ZNF706: variants seen among roughly 807,000 people sequenced by gnomAD.
The protein encoded by ZNF706 is zinc finger protein 706.
ZNF706 carries 4 observed loss-of-function variants against 9.2 expected under a neutral mutation model. That is an observed-to-expected ratio of 0.43 (90% CI 0.21 to 0.99). The LOEUF (loss-of-function observed/expected upper bound fraction) is 0.99. Among genes scored for constraint, ZNF706 ranks in the 50% least tolerant of loss-of-function variants. ZNF706 has a pLI of 0.26. For missense variants in ZNF706, 27 were observed against 87.8 expected (o/e 0.31, Z 2.77); for synonymous variants, 28 against 27.3 (o/e 1.03, Z -0.08).
intron 1 of ZNF706, chr8:101,204,551 T>G (rs1302994562): frequency 1.1e-6 from 1 of 913,434 alleles, no homozygotes; most frequent in African/African-American, 1.8e-5. Flanking sequence ...GGACTTGCTC[T>G]CAAGCCAACA....
At chr8:101,203,127 CT>C (rs1234158892) in intron 1 of ZNF706, 1 of 151,774 alleles carries the variant, frequency 6.6e-6, no homozygotes, top group East Asian at 1.9e-4. Context: ...AAAGATACCA[CT>C]TTTTGTTACC....
At position 101,201,327 on chromosome 8, in the gene ZNF706, T is replaced by C. The variant is rs1810548437; in HGVS notation, c.135+280A>G. ...AGTTATATGATGTGCTAGTGAAGTG[T>C]ATTATATGCCCTTATGAAGACATCT... On this transcript the variant is annotated intron_variant, in intron 2 of 3. Transcript: ENST00000311212. The surrounding 1 kb of genome is among the most constrained non-coding windows in gnomAD (Gnocchi z 4.5). The C allele has an allele frequency of 2.7e-6, 1 of 374,146 alleles. No individual in the cohort carries two copies. The allele number at this position is 374,146 out of a possible 1,614,324, so 23.2% of individuals were successfully genotyped here. A position where few individuals can be genotyped will look rare whatever the true frequency, so the allele number is the denominator to read the frequency against.
chr8:101,205,840 T>C (rs1810751420), upstream of ZNF706: 2 of 152,362 alleles, frequency 1.3e-5, no homozygotes, highest in African/African-American at 4.8e-5. The surrounding 1 kb of genome is among the most constrained non-coding windows in gnomAD (Gnocchi z 6.6). Context: ...GGGCGGGCCC[T>C]GGCTGACACA....
intron 1 of ZNF706, chr8:101,204,850 T>A: frequency 1.0e-6 from 1 of 985,588 alleles, no homozygotes; most frequent in Non-Finnish European, 1.2e-6. Flanking sequence ...TCATTCTCCA[T>A]AACCATCGGA....
chr8:101,200,235 A>G (rs973611983), intron 2 of ZNF706, 138 bp from the exon 3 acceptor site: 84 of 627,762 alleles, frequency 1.3e-4, no homozygotes, highest in African/African-American at 1.3e-3. Context: ...AGTGACTGGC[A>G]TATGAAGAGG....
In ZNF706 at chr8:101,201,559, C is replaced by A; in HGVS notation, c.135+48G>T. ...TTTCAAAATTTTAATCTATTCAAGC[C>A]AAAACTGCCCACGGGAGAGCTGTAT... On this transcript the variant is annotated intron_variant, in intron 2 of 3. Transcript: ENST00000311212. The surrounding 1 kb of genome is among the most constrained non-coding windows in gnomAD (Gnocchi z 4.5). 6.3e-7 allele frequency: 1 copy of A among 1,575,602 alleles called. No homozygotes were observed. The highest frequency in any genetic ancestry group is 8.6e-7 in the Non-Finnish European group (1 of 1,161,796).
Position 101,199,918 on chromosome 8 carries a change from A to G in ZNF706, c.*12+72T>C, listed in dbSNP as rs1031155552. 14 of 989,330 alleles carry G rather than the reference A, an allele frequency of 1.4e-5. No individual in the cohort carries two copies. The African/African-American group carries it at 1.6e-4, about 12-fold the overall frequency. 61.3% of individuals were successfully genotyped at this position (989,330 alleles called of 1,614,324 possible). ...TCAGAAGGCAGAAATTAATTTCACA[A>G]TAAGTGAAGACAGTTTTGGTCTTGT... On this transcript the variant is annotated intron_variant, in intron 3 of 3. Transcript: ENST00000311212.
At chr8:101,200,268 T>C (rs1490341991) in intron 2 of ZNF706, 171 bp from the exon 3 acceptor site, 2 of 538,876 alleles carry the variant, frequency 3.7e-6, no homozygotes, top group Non-Finnish European at 6.6e-6. Context: ...AAGAAATTCC[T>C]AACGTTCCCA....
At chr8:101,203,687 C>T (rs952494431) in intron 1 of ZNF706, 2 of 152,122 alleles carry the variant, frequency 1.3e-5, no homozygotes, top group Non-Finnish European at 2.9e-5. Context: ...GAGCCTAATA[C>T]ATTTTCGTAA....
rs926870467 is a variant in ZNF706 at position 101,201,905 on chromosome 8, T to C, written c.-2-162A>G. Reference sequence around the variant, plus strand: ...TTCCCACATATAAATGCTACAAAAGTATCAATTGACACAACCCTGTGGAAA... The same window carrying C: ...TTCCCACATATAAATGCTACAAAAGCATCAATTGACACAACCCTGTGGAAA... On this transcript the variant is annotated intron_variant, in intron 1 of 3. Coordinates refer to ENST00000311212, the MANE Select transcript of ZNF706 (RefSeq NM_016096.5). The surrounding 1 kb of genome is among the most constrained non-coding windows in gnomAD (Gnocchi z 4.5). Among the ~76,000 whole-genome samples the C allele has an allele frequency of 6.6e-6, 1 of 152,102 alleles. No individual in the cohort carries two copies.
chr8:101,200,370 T>C (rs1810513819), intron 2 of ZNF706: 1 of 276,482 alleles, frequency 3.6e-6, no homozygotes, highest in South Asian at 4.1e-5. Flanking sequence ...TGAACCCTTA[T>C]TATATTAAGC....
rs1810432113 is a variant in ZNF706, at chr8:101,198,206, C to T, written c.*1046G>A. ...AAGTTCAGATGGAAGTCATACTGTA[C>T]ACCAGTCTCTGATTTTAGGTAACAG... is the stretch of plus-strand genomic sequence containing the variant. On this transcript the variant is annotated 3_prime_UTR_variant, in exon 4 of 4. Transcript: ENST00000311212. 2 of 152,130 alleles carry T rather than the reference C, an allele frequency of 1.3e-5. No individual in the cohort carries two copies. The highest frequency in any genetic ancestry group is 2.4e-5 in the African/African-American group (1 of 41,420). The allele number at this position is 152,130 out of a possible 1,614,324, so 9.4% of individuals were successfully genotyped here.
upstream of ZNF706, chr8:101,206,124 G>C (rs1332125641): frequency 6.6e-6 from 1 of 152,232 alleles, no homozygotes; most frequent in Non-Finnish European, 1.5e-5. Flanking sequence ...CCCGGGAGCG[G>C]ATCGCGGGGC....
intron 1 of ZNF706, chr8:101,202,281 A>G (rs927048980): frequency 8.2e-6 from 1 of 122,212 alleles, no homozygotes; most frequent in Non-Finnish European, 1.7e-5. Flanking sequence ...TCTACTAAAA[A>G]TACAAAAAAA....
rs1024461129 is a variant in ZNF706, at chr8:101,204,594, C to T, written c.-3+841G>A. 1.7e-5 allele frequency: 17 copies of T among 983,998 alleles called. No individual in the cohort carries two copies. The South Asian group carries it at 7.1e-4, about 41-fold the overall frequency. 61.0% of individuals were successfully genotyped at this position (983,998 alleles called of 1,614,324 possible). A position where few individuals can be genotyped will look rare whatever the true frequency, so the allele number is the denominator to read the frequency against. ...CTACAAAATCGTAGGCAGCTACAACCGCTCCTTGATTAAATGCGACAAACT... is the reference window on the plus strand; with the variant it reads ...CTACAAAATCGTAGGCAGCTACAACTGCTCCTTGATTAAATGCGACAAACT... On this transcript the variant is annotated intron_variant, in intron 1 of 3. Transcript: ENST00000311212.
Position 101,201,822 on chromosome 8 carries a change from A to T in ZNF706, c.-2-79T>A. The T allele has an allele frequency of 7.0e-7, 1 of 1,430,172 alleles. No homozygotes were observed. 88.6% of individuals were successfully genotyped at this position (1,430,172 alleles called of 1,614,324 possible). A position where few individuals can be genotyped will look rare whatever the true frequency, so the allele number is the denominator to read the frequency against. ...ATCAAAGCATAAGAACGTTCTTAGA[A>T]TTGAAGCCTTAAGTTTTATAGAAAT... On this transcript the variant is annotated intron_variant, in intron 1 of 3. Coordinates refer to ENST00000311212, the MANE Select transcript of ZNF706 (RefSeq NM_016096.5). The surrounding 1 kb of genome is among the most constrained non-coding windows in gnomAD (Gnocchi z 4.5).
At chr8:101,202,606 C>T (rs570668419) in intron 1 of ZNF706, 1 of 152,040 alleles carries the variant, frequency 6.6e-6, no homozygotes, top group South Asian at 2.1e-4. Flanking sequence ...AAGGGGTCAC[C>T]TTGGGGGTTA....
In ZNF706 at chr8:101,205,370, T is replaced by G. The variant is rs911124266; in HGVS notation, c.-3+65A>C. The G allele has an allele frequency of 1.4e-5, 2 of 146,144 alleles. No individual in the cohort carries two copies. Among genetic ancestry groups the G allele is most frequent in the African/African-American group, 5.1e-5 (2 of 39,470 alleles). The allele number at this position is 146,144 out of a possible 1,614,324, so 9.1% of individuals were successfully genotyped here. A position where few individuals can be genotyped will look rare whatever the true frequency, so the allele number is the denominator to read the frequency against. ...TCCCACGGTCCCCACCGCCCCCCGC[T>G]GGCCGGCCCCCGCCCCGTTTCCCGG... On this transcript the variant is annotated intron_variant, in intron 1 of 3. Transcript: ENST00000311212. The surrounding 1 kb of genome is among the most constrained non-coding windows in gnomAD (Gnocchi z 6.6).
intron 1 of ZNF706, chr8:101,203,408 T>C (rs1355401920): frequency 1.3e-5 from 2 of 152,128 alleles, no homozygotes; most frequent in African/African-American, 4.8e-5. Context: ...TTGTATCAAC[T>C]TCACCAGGGA....
Sources: gnomAD v4.1 joint callset for allele counts (sites outside exome capture counted in the v4.1 genomes callset) on GRCh38, gnomAD v4.1.1 for gene constraint, Gnocchi (gnomAD v3.1) non-coding constraint, MANE v1.5 for transcripts, NCBI Gene and HGNC (gene_info 2026-07-23, HGNC 2026-07-21) for gene names.